GRIN2B: variants seen among roughly 807,000 people sequenced by gnomAD.
GRIN2B encodes glutamate receptor ionotropic, NMDA 2B.
Under a neutral mutation model 114.5 loss-of-function variants are expected in GRIN2B, and 5 were observed. The ratio of observed to expected loss-of-function variants is 0.04; its 90% CI spans 0.02 to 0.09. The LOEUF (loss-of-function observed/expected upper bound fraction) is 0.09. GRIN2B is among the 10% of genes least tolerant of loss of function. The pLI is 1.00. For synonymous variants in GRIN2B, 787 were observed against 745.1 expected, an observed-to-expected ratio of 1.06 and a Z score of -0.92; for missense variants, 1,108 against 1,943.5, an observed-to-expected ratio of 0.57 and a Z score of 8.08.
chr12:13,652,919 C>A (rs999193729), intron 5 of GRIN2B, among the ~76,000 whole-genome samples: 2 of 152,134 alleles, frequency 1.3e-5, no homozygotes, highest in Non-Finnish European at 2.9e-5. Flanking sequence ...AGCTCCTTAG[C>A]GGGGCTTTGA....
chr12:13,661,648 C>T (rs1198030624), intron 5 of GRIN2B, among the ~76,000 whole-genome samples: 1 of 152,158 alleles, frequency 6.6e-6, no homozygotes, highest in Non-Finnish European at 1.5e-5. Context: ...CTAGGAGTTG[C>T]AAACTCCAGT....
chr12:13,949,157 C>A (rs1273007484), intron 2 of GRIN2B, among the ~76,000 whole-genome samples: 1 of 152,084 alleles, frequency 6.6e-6, no homozygotes, highest in African/African-American at 2.4e-5. Flanking sequence ...AGGGCTGAAT[C>A]CACTGCCTGA....
At chr12:13,650,347 T>TTA (rs1466608084) in intron 5 of GRIN2B, among the ~76,000 whole-genome samples, 17 of 10,844 alleles carry the variant, frequency 1.6e-3, no homozygotes, top group South Asian at 0.1. Flanking sequence ...TCAATGTAAA[T>TTA]TCTCTTCTTT....
chr12:13,977,312 A>C (rs1041416617), intron 2 of GRIN2B: 2 of 152,168 alleles, frequency 1.3e-5, no homozygotes, highest in African/African-American at 2.4e-5. Flanking sequence ...TAGACAATCC[A>C]GTGGTACTCC....
At chr12:13,969,189 G>A (rs1425826258) in intron 2 of GRIN2B, among the ~76,000 whole-genome samples, 2 of 152,174 alleles carry the variant, frequency 1.3e-5, no homozygotes, top group African/African-American at 4.8e-5. Context: ...CATTTTTTCA[G>A]TTTAAAACAA....
At chr12:13,961,888 G>A (rs1374175584) in intron 2 of GRIN2B, among the ~76,000 whole-genome samples, 7 of 152,176 alleles carry the variant, frequency 4.6e-5, no homozygotes, top group Non-Finnish European at 1.0e-4. Flanking sequence ...AGGAACGGGT[G>A]TGAGAGAGGT....
intron 3 of GRIN2B, among the ~76,000 whole-genome samples, chr12:13,758,558 A>G (rs1016423433): frequency 6.6e-6 from 1 of 152,254 alleles, no homozygotes; most frequent in Admixed American, 6.5e-5. Flanking sequence ...GGTTCTTAAA[A>G]TGGAATGGGT....
chr12:13,585,663 T>C (rs1415207633), intron 10 of GRIN2B, among the ~76,000 whole-genome samples: 1 of 152,188 alleles, frequency 6.6e-6, no homozygotes, highest in Non-Finnish European at 1.5e-5. Flanking sequence ...ATGGATTTCT[T>C]TTTCTCAAGA....
At chr12:13,797,759 A>G (rs1005118614) in intron 3 of GRIN2B, among the ~76,000 whole-genome samples, 9 of 152,226 alleles carry the variant, frequency 5.9e-5, no homozygotes, top group African/African-American at 2.2e-4. Flanking sequence ...CAGACTTTAC[A>G]TAATCTTTAT....
At chr12:13,696,551 A>G (rs1292802594) in intron 4 of GRIN2B, among the ~76,000 whole-genome samples, 1 of 152,186 alleles carries the variant, frequency 6.6e-6, no homozygotes, top group Admixed American at 6.5e-5. Flanking sequence ...TACCTGCACC[A>G]TGCAGTCTCA....
chr12:13,563,036 C>T lies in GRIN2B; in HGVS notation c.4202G>A (p.Ser1401Asn). ...GGGCTGCCTGAAGAAGTAGGATTTG[C>T]TGCCATGGAGCAAGCACTGGTCGTC... is the stretch of plus-strand genomic sequence containing the variant. ...FGDDQCLLHG[S>N]KSYFFRQPTV... is the part of the protein sequence containing the mutation. The change falls in exon 14 of 14, where the codon AGC becomes AAC. Residue 1401 changes from serine (S) to asparagine (N), a missense_variant. Physicochemically the swap from Ser to Asn is conservative, Grantham distance 46. Coordinates refer to ENST00000609686, the MANE Select transcript of GRIN2B (RefSeq NM_000834.5). 6.8e-6 allele frequency: 11 copies of T among 1,614,004 alleles called. No homozygotes were observed. The highest frequency in any genetic ancestry group is 2.2e-5 in the South Asian group (2 of 91,082).
At chr12:13,888,382 T>C (rs896003026) in intron 2 of GRIN2B, among the ~76,000 whole-genome samples, 1 of 151,476 alleles carries the variant, frequency 6.6e-6, no homozygotes, top group African/African-American at 2.4e-5. Flanking sequence ...AGTATTTGTA[T>C]ATCTAAACAC....
At chr12:13,573,070 T>C (rs943690387) in intron 10 of GRIN2B, among the ~76,000 whole-genome samples, 6 of 130,732 alleles carry the variant, frequency 4.6e-5, no homozygotes, top group African/African-American at 1.8e-4. Flanking sequence ...GCATAAACGC[T>C]CTGTGCATCC....
intron 2 of GRIN2B, among the ~76,000 whole-genome samples, chr12:13,873,586 C>T (rs1865946837): frequency 6.6e-6 from 1 of 152,212 alleles, no homozygotes; most frequent in African/African-American, 2.4e-5. Context: ...TCATCCGTTA[C>T]TCTTTTCAAG....
At chr12:13,621,824 T>C (rs1949520957) in intron 5 of GRIN2B, among the ~76,000 whole-genome samples, 1 of 152,088 alleles carries the variant, frequency 6.6e-6, no homozygotes, top group African/African-American at 2.4e-5. Flanking sequence ...GTAATGCTTT[T>C]AGACTTCAAA....
At chr12:13,670,626 T>A (rs998229518) in intron 5 of GRIN2B, among the ~76,000 whole-genome samples, 2 of 152,194 alleles carry the variant, frequency 1.3e-5, no homozygotes, top group Non-Finnish European at 2.9e-5. Context: ...TGTGCCAGAC[T>A]ATTTTTAAAG....
chr12:13,764,061 C>A (rs570160732), intron 3 of GRIN2B, among the ~76,000 whole-genome samples: 1 of 152,128 alleles, frequency 6.6e-6, no homozygotes. Flanking sequence ...GCAATACAAT[C>A]CACTAGGATG....
intron 5 of GRIN2B, among the ~76,000 whole-genome samples, chr12:13,672,997 C>A (rs1950037738): frequency 6.6e-6 from 1 of 152,152 alleles, no homozygotes; most frequent in Non-Finnish European, 1.5e-5. Context: ...GAAATACGCC[C>A]TTACAGGTTG....
At chr12:13,963,098 G>A (rs1014740321) in intron 2 of GRIN2B, among the ~76,000 whole-genome samples, 7 of 152,318 alleles carry the variant, frequency 4.6e-5, no homozygotes, top group African/African-American at 1.7e-4. Flanking sequence ...TGGAAGTTCA[G>A]GTCCTGGCTA....
Sources: gnomAD v4.1 joint callset for allele counts (sites outside exome capture counted in the v4.1 genomes callset) on GRCh38, gnomAD v4.1.1 for gene constraint, MANE v1.5 for transcripts, NCBI Gene and HGNC (gene_info 2026-07-23, HGNC 2026-07-21) for gene names.